The following MBNL2 variants were observed in gnomAD, a reference collection of about 807,000 sequenced individuals.
MBNL2 encodes the protein muscleblind like splicing regulator 2, also known as muscleblind-like protein 2.
MBNL2 carries 17 observed loss-of-function variants against 41.9 expected under a neutral mutation model. The observed-to-expected ratio is 0.41, with a 90% CI of 0.28 to 0.61. The LOEUF is 0.61. Ranked by LOEUF, MBNL2 falls within the 20% of genes least tolerant of loss-of-function variation. The probability of loss-of-function intolerance (pLI) is 0.35; values close to 1 mark genes in which losing one functional copy is unlikely to be tolerated. For synonymous variants in MBNL2, 195 were observed against 182.9 expected (o/e 1.07, Z -0.53); for missense variants, 336 against 505.6 (o/e 0.66, Z 3.22).
At chr13:97,166,266 ACAAT>A in the MBNL2 span, among the ~76,000 whole-genome samples, 2 of 152,222 alleles carry the variant, frequency 1.3e-5, no homozygotes, top group African/African-American at 4.8e-5. Context: ...TGAACTGAAA[ACAAT>A]CCTTGTGGTC....
intron 2 of MBNL2, among the ~76,000 whole-genome samples, chr13:97,285,636 C>T (rs1015985087): frequency 6.6e-6 from 1 of 152,176 alleles, no homozygotes; most frequent in Admixed American, 6.5e-5. Flanking sequence ...TGGATTCAGC[C>T]AGTAGACTGC....
chr13:97,219,738 G>A (rs561708437), upstream of MBNL2, among the ~76,000 whole-genome samples: 6 of 152,212 alleles, frequency 3.9e-5, no homozygotes, highest in South Asian at 1.2e-3. Flanking sequence ...AATGTTAGGG[G>A]GACACAATTC....
chr13:97,187,900 T>C, the MBNL2 span, among the ~76,000 whole-genome samples: 1 of 126,060 alleles, frequency 7.9e-6, no homozygotes, highest in African/African-American at 2.6e-5. Flanking sequence ...CAGTGAGACT[T>C]CGTCTCAAAA....
In MBNL2 at chr13:97,394,075, C is replaced by T. The variant is rs1447161967; in HGVS notation, c.*2626C>T. The T allele has an allele frequency of 1.3e-5, 2 of 152,566 alleles. No homozygotes were observed. The highest frequency in any genetic ancestry group is 4.8e-5 in the African/African-American group (2 of 41,450). The allele number at this position is 152,566 out of a possible 1,614,324, so 9.5% of individuals were successfully genotyped here. ...TGTTTTGGTTGTAATATTCAGTTCA[C>T]TCACCCAATGTACAACCAATGAAAT... On this transcript the variant is annotated 3_prime_UTR_variant, in exon 9 of 9. Transcript: ENST00000679496.
Position 97,334,433 on chromosome 13 carries a change from A to G in MBNL2, c.332A>G (p.His111Arg). The G allele has an allele frequency of 6.2e-7, 1 of 1,611,016 alleles. No individual in the cohort carries two copies. Among genetic ancestry groups the G allele is most frequent in the Non-Finnish European group, 8.5e-7 (1 of 1,178,110 alleles). Residue 111 changes from histidine (H) to arginine (R), a missense_variant, in exon 3 of 9, where the codon CAT becomes CGT. Coordinates refer to ENST00000679496, the MANE Select transcript of MBNL2 (RefSeq NM_001382683.1). This position sits in a 1 kb window ranked among gnomAD's most constrained non-coding sequence, Gnocchi z 5.3. The part of the protein sequence containing the change: ...MQFMFPGTPL[H>R]PVPTFPVGPA... The stretch of plus-strand genomic sequence containing the variant: ...TTTATGTTTCCAGGAACACCACTTC[A>G]TCCAGTGGTGAGTACATCTTTATTC...
intron 2 of MBNL2, among the ~76,000 whole-genome samples, chr13:97,323,477 G>C (rs2059668085): frequency 6.6e-6 from 1 of 152,186 alleles, no homozygotes; most frequent in Admixed American, 6.5e-5. Context: ...AAACAGTAAA[G>C]TATAACAGCT....
At chr13:97,355,463 A>C (rs2062902733) in intron 5 of MBNL2, among the ~76,000 whole-genome samples, 1 of 152,208 alleles carries the variant, frequency 6.6e-6, no homozygotes, top group Non-Finnish European at 1.5e-5. Context: ...TCAGAACTTT[A>C]GAATATAATA....
At chr13:97,357,178 G>A (rs761207100) in intron 6 of MBNL2, among the ~76,000 whole-genome samples, 5 of 152,052 alleles carry the variant, frequency 3.3e-5, no homozygotes, top group Non-Finnish European at 5.9e-5. Flanking sequence ...CCAATGCTTC[G>A]TCCCCCCTTA....
Position 97,381,664 on chromosome 13 carries a change from T to G in MBNL2, c.1049-9658T>G, listed in dbSNP as rs558554922. On this transcript the variant is annotated intron_variant, in intron 8 of 8. Transcript: ENST00000679496. ...TTTTGGAATTCCCTTGTTGCTTTAATTTTTTTAACTTTCACGTTTATTAAA... is the reference window on the plus strand; with the variant it reads ...TTTTGGAATTCCCTTGTTGCTTTAAGTTTTTTAACTTTCACGTTTATTAAA... Among the ~76,000 whole-genome samples, 4 of 152,026 alleles carry G rather than the reference T, an allele frequency of 2.6e-5. No individual in the cohort carries two copies. In the East Asian group the frequency reaches 7.7e-4, roughly 29 times the overall value.
At chr13:97,274,497 C>T (rs1056486713) in intron 1 of MBNL2, among the ~76,000 whole-genome samples, 16 of 151,066 alleles carry the variant, frequency 1.1e-4, no homozygotes, top group Admixed American at 9.9e-4. Flanking sequence ...GTGTGGGTGA[C>T]AGAGAAAGAC....
At chr13:97,379,980 A>G (rs1013849326) in intron 8 of MBNL2, among the ~76,000 whole-genome samples, 8 of 152,256 alleles carry the variant, frequency 5.3e-5, no homozygotes, top group Non-Finnish European at 1.2e-4. Context: ...TTAAGGAGTG[A>G]CAAGGACAAT....
Position 97,277,645 on chromosome 13 carries a change from C to T in MBNL2, c.174+1236C>T, listed in dbSNP as rs79135306. ...CTTAAAGGGAAATTTTGTCAATACA[C>T]TCAAAGCAGGAAAATGTATTTCTGA... On this transcript the variant is annotated intron_variant, in intron 2 of 8. Transcript: ENST00000679496. Among the ~76,000 whole-genome samples, 20 of 152,258 alleles carry T rather than the reference C, an allele frequency of 1.3e-4. No individual in the cohort carries two copies. In the East Asian group the frequency reaches 3.9e-3, roughly 29 times the overall value.
chr13:97,371,584 T>A (rs148485260), intron 8 of MBNL2, among the ~76,000 whole-genome samples: 6 of 152,182 alleles, frequency 3.9e-5, no homozygotes, highest in African/African-American at 1.4e-4. Flanking sequence ...CGGCCCTGAC[T>A]TGGCCACTGA....
chr13:97,333,929 G>GGAAA (rs1215351128), intron 2 of MBNL2, among the ~76,000 whole-genome samples: 2 of 132,386 alleles, frequency 1.5e-5, no homozygotes, highest in South Asian at 5.1e-4. Flanking sequence ...AAGGAAGAAA[G>GGAAA]GAAAGAAAGA....
chr13:97,268,073 T>TTTCCTTCCTTCCTTCC lies in MBNL2; in HGVS notation c.-604-7544_-604-7529dup, dbSNP rs57849294. Among the ~76,000 whole-genome samples, 21 of 147,944 alleles carry TTTCCTTCCTTCCTTCC rather than the reference T, an allele frequency of 1.4e-4. No homozygotes were observed. Among genetic ancestry groups the TTTCCTTCCTTCCTTCC allele is most frequent in the African/African-American group, 4.5e-4 (18 of 39,596 alleles). On this transcript the variant is annotated intron_variant, in intron 1 of 8. Coordinates refer to ENST00000679496, the MANE Select transcript of MBNL2 (RefSeq NM_001382683.1). The surrounding 1 kb of genome is among the most constrained non-coding windows in gnomAD (Gnocchi z 4.6). ...CCTAAGAGTGTGCTTTTCTTTTTTCTTTCCTTCCTTCCTTCCTTCCTTCCT... is the reference window on the plus strand; with the variant it reads ...CCTAAGAGTGTGCTTTTCTTTTTTCTTTCCTTCCTTCCTTCCTTCCTTCCTTCCTTCCTTCCTTCCT...
rs369342078 is a variant in MBNL2 at position 97,391,348 on chromosome 13, G to A, written c.1075G>A (p.Gly359Arg). Residue 359 changes from glycine to arginine, a missense_variant, in exon 9 of 9, where the codon GGA becomes AGA. By Grantham distance (125) the Gly-to-Arg change is moderately radical. Transcript: ENST00000679496. ...IDNSEIISRN[G>R]MECQESALRI... is the part of the protein sequence containing the mutation. ...TAATTCTGAAATAATCAGCAGAAAC[G>A]GAATGGAATGCCAAGAATCTGCATT... The A allele has an allele frequency of 4.8e-5, 74 of 1,549,368 alleles. 1 individual carries two copies. Among genetic ancestry groups the A allele is most frequent in the Admixed American group, 2.2e-4 (13 of 59,772 alleles).
At chr13:97,333,322 C>T (rs1267103907) in intron 2 of MBNL2, among the ~76,000 whole-genome samples, 1 of 152,170 alleles carries the variant, frequency 6.6e-6, no homozygotes, top group East Asian at 1.9e-4. Flanking sequence ...GAAGTATAAA[C>T]ACCGCCATAT....
At chr13:97,370,918 TAGCA>T (rs1195302974) in intron 8 of MBNL2, among the ~76,000 whole-genome samples, 2 of 152,138 alleles carry the variant, frequency 1.3e-5, no homozygotes, top group Non-Finnish European at 2.9e-5. Context: ...AAATGATAGG[TAGCA>T]TGTAAATTAG....
chr13:97,278,786 T>G (rs1328541258), intron 2 of MBNL2, among the ~76,000 whole-genome samples: 1 of 152,216 alleles, frequency 6.6e-6, no homozygotes, highest in African/African-American at 2.4e-5. Flanking sequence ...TTGCAAAATT[T>G]CAGGTTATTT....
Sources: allele counts gnomAD v4.1 joint callset (sites outside exome capture counted in the v4.1 genomes callset), GRCh38; gene constraint gnomAD v4.1.1; non-coding constraint Gnocchi (gnomAD v3.1); transcripts MANE v1.5; gene names NCBI Gene and HGNC (gene_info 2026-07-23, HGNC 2026-07-21).